The following VRTN variants were observed in gnomAD, a reference collection of about 807,000 sequenced individuals.
The protein encoded by VRTN is vertebrae development associated.
Under a neutral mutation model 18.2 loss-of-function variants are expected in VRTN, and 5 were observed. That is an observed-to-expected ratio of 0.27 (90% CI 0.14 to 0.58). VRTN has a LOEUF of 0.58. Among genes scored for constraint, VRTN ranks in the 20% least tolerant of loss-of-function variants. The pLI is 0.91. For synonymous variants in VRTN, 381 were observed against 393.7 expected, an observed-to-expected ratio of 0.97 and a Z score of 0.38; for missense variants, 741 against 939.4, an observed-to-expected ratio of 0.79 and a Z score of 2.76.
upstream of VRTN, among the ~76,000 whole-genome samples, chr14:74,344,733 T>TAAAAAAAAAA (rs60479764): frequency 3.3e-4 from 18 of 54,042 alleles, no homozygotes; most frequent in East Asian, 6.3e-4. Flanking sequence ...AGACTCTGAC[T>TAAAAAAAAAA]AAAAAAAAAA....
At chr14:74,334,498 C>T (rs1011095217) in intron 1 of VRTN, among the ~76,000 whole-genome samples, 1 of 152,112 alleles carries the variant, frequency 6.6e-6, no homozygotes. Flanking sequence ...CCACTGCACT[C>T]CAGGCTGGAT....
chr14:74,326,024 A>G (rs1392558363), intron 1 of VRTN, among the ~76,000 whole-genome samples: 2 of 152,098 alleles, frequency 1.3e-5, no homozygotes, highest in African/African-American at 4.8e-5. Context: ...TCCTCATTTT[A>G]CCTAAAGAAT....
chr14:74,335,524 T>C (rs2085557850), intron 1 of VRTN, among the ~76,000 whole-genome samples: 1 of 28 alleles, frequency 0.036, no homozygotes, highest in Admixed American at 0.1. Flanking sequence ...GCCTGACTTG[T>C]ATTTCTTTCA....
exon 1 of VRTN, chr14:74,303,099 C>T: frequency 1.9e-6 from 1 of 517,288 alleles, no homozygotes; most frequent in Non-Finnish European, 3.2e-6. Context: ...TCGGCTGACC[C>T]GGCGGCTACA....
intron 2 of VRTN, among the ~76,000 whole-genome samples, chr14:74,341,461 G>A (rs1292881172): frequency 6.6e-6 from 1 of 152,188 alleles, no homozygotes; most frequent in African/African-American, 2.4e-5. Context: ...CTGGAAAGCT[G>A]TAAATTTAAA....
chr14:74,319,249 G>A (rs1047317374), intron 1 of VRTN, among the ~76,000 whole-genome samples: 1 of 151,746 alleles, frequency 6.6e-6, no homozygotes, highest in African/African-American at 2.4e-5. Context: ...GGCCAGGCTG[G>A]TATTGAGCTC....
intron 1 of VRTN, among the ~76,000 whole-genome samples, chr14:74,319,709 C>T (rs1290630926): frequency 2.0e-5 from 3 of 152,160 alleles, no homozygotes; most frequent in African/African-American, 7.2e-5. Flanking sequence ...GGGAAGATGT[C>T]TGAGCTGGAG....
At chr14:74,337,291 C>T (rs113281211) in intron 1 of VRTN, among the ~76,000 whole-genome samples, 3 of 151,866 alleles carry the variant, frequency 2.0e-5, no homozygotes, top group Non-Finnish European at 2.9e-5. Flanking sequence ...TGCAGTGAGC[C>T]GAGATCGTGC....
At chr14:74,349,065 T>C (rs1256543856) in intron 1 of VRTN, among the ~76,000 whole-genome samples, 5 of 152,210 alleles carry the variant, frequency 3.3e-5, no homozygotes, top group Non-Finnish European at 5.9e-5. Context: ...CGGGAGCCTG[T>C]GCTGCTTCCC....
chr14:74,349,294 C>T (rs987148347), intron 1 of VRTN, among the ~76,000 whole-genome samples: 1 of 151,056 alleles, frequency 6.6e-6, no homozygotes, highest in African/African-American at 2.4e-5. Flanking sequence ...CCAGGGCCAC[C>T]GGGGAGGGAG....
intron 1 of VRTN, among the ~76,000 whole-genome samples, chr14:74,313,888 C>G (rs1215623143): frequency 6.6e-6 from 1 of 152,004 alleles, no homozygotes; most frequent in Admixed American, 6.6e-5. Context: ...AAGCTGAGAT[C>G]GTGCCACTGC....
chr14:74,303,093 C>G, exon 1 of VRTN: 1 of 551,704 alleles, frequency 1.8e-6, no homozygotes, highest in Non-Finnish European at 3.0e-6. Context: ...GTGGACTCGG[C>G]TGACCCGGCG....
chr14:74,322,215 A>G (rs1052126671), intron 1 of VRTN, among the ~76,000 whole-genome samples: 5 of 150,924 alleles, frequency 3.3e-5, no homozygotes, highest in Non-Finnish European at 5.9e-5. Flanking sequence ...TGGCACAGTC[A>G]TGGCTCACTG....
intron 1 of VRTN, among the ~76,000 whole-genome samples, chr14:74,349,561 G>T (rs975505404): frequency 2.0e-5 from 3 of 152,210 alleles, no homozygotes; most frequent in Non-Finnish European, 4.4e-5. Flanking sequence ...TCCATGGTAA[G>T]CTAGAGCCCA....
chr14:74,303,671 A>G (rs2085192173), intron 1 of VRTN, among the ~76,000 whole-genome samples: 1 of 152,116 alleles, frequency 6.6e-6, no homozygotes, highest in African/African-American at 2.4e-5. Flanking sequence ...AAAAAAACCC[A>G]AACAGCATGA....
intron 1 of VRTN, among the ~76,000 whole-genome samples, chr14:74,354,532 G>A (rs1328340372): frequency 6.6e-6 from 1 of 151,950 alleles, no homozygotes; most frequent in Non-Finnish European, 1.5e-5. Flanking sequence ...AGCCTCCTGA[G>A]TAGCTGGGAC....
chr14:74,356,642 C>G, intron 1 of VRTN, 141 bp from the exon 2 acceptor site: 1 of 1,207,898 alleles, frequency 8.3e-7, no homozygotes, highest in Non-Finnish European at 1.1e-6. Context: ...AGTGATGAAC[C>G]AATCCCGTCT....
At chr14:74,331,328 G>A (rs1055747861) in intron 1 of VRTN, among the ~76,000 whole-genome samples, 2 of 151,502 alleles carry the variant, frequency 1.3e-5, no homozygotes, top group African/African-American at 4.8e-5. Flanking sequence ...AGGAGTTCGA[G>A]ACCAGCCCAG....
chr14:74,313,151 C>G (rs537026904), intron 1 of VRTN, among the ~76,000 whole-genome samples: 154 of 152,280 alleles, frequency 1.0e-3, no homozygotes, highest in Admixed American at 1.6e-3. Flanking sequence ...TGGTTCACAC[C>G]TCAGTTATAG....
Sources: gnomAD v4.1 joint callset for allele counts (sites outside exome capture counted in the v4.1 genomes callset) on GRCh38, gnomAD v4.1.1 for gene constraint, MANE v1.5 for transcripts, NCBI Gene and HGNC (gene_info 2026-07-23, HGNC 2026-07-21) for gene names.